MTR: variants seen among roughly 807,000 people sequenced by gnomAD.
MTR encodes the protein methionine synthase.
Under a neutral mutation model 154.8 loss-of-function variants are expected in MTR, and 84 were observed. That is an observed-to-expected ratio of 0.54 (90% confidence interval 0.45 to 0.65). The LOEUF (loss-of-function observed/expected upper bound fraction) is 0.65. Ranked by LOEUF, MTR falls within the 30% of genes least tolerant of loss-of-function variation. The pLI is 0.00. For synonymous variants in MTR, 554 were observed against 553.9 expected (o/e 1.00, Z 0.00); for missense variants, 1,275 against 1,570.2 (o/e 0.81, Z 3.18).
chr1:236,861,294 G>A lies in MTR; in HGVS notation c.2196+17G>A, dbSNP rs955091678. The A allele has an allele frequency of 5.0e-6, 8 of 1,613,566 alleles. No homozygotes were observed. Among genetic ancestry groups the A allele is most frequent in the African/African-American group, 1.3e-5 (1 of 74,862 alleles). On this transcript the variant is annotated intron_variant, in intron 20 of 32. Transcript: ENST00000366577. ...CTACCTCAGGTTAGCAAAATATGGG[G>A]AGAAATTTTCACAGTTGCATCTTTT...
intron 18 of MTR, among the ~76,000 whole-genome samples, chr1:236,858,848 G>A (rs1032102618): frequency 6.6e-6 from 1 of 152,208 alleles, no homozygotes; most frequent in African/African-American, 2.4e-5. Context: ...GGTGTGCCAT[G>A]ATCATTGCGC....
chr1:236,820,587 T>TAAAAA, intron 8 of MTR: 1 of 410,572 alleles, frequency 2.4e-6, no homozygotes. Flanking sequence ...GTCAGTTTCT[T>TAAAAA]AAAAAAAAAA....
At chr1:236,854,747 G>GT (rs1664106697) in intron 18 of MTR, among the ~76,000 whole-genome samples, 4 of 152,112 alleles carry the variant, frequency 2.6e-5, no homozygotes, top group South Asian at 2.1e-4. Flanking sequence ...CCCATTTAAG[G>GT]TTTTTTTGGC....
intron 22 of MTR, among the ~76,000 whole-genome samples, chr1:236,871,334 C>G (rs1394712286): frequency 6.6e-6 from 1 of 152,062 alleles, no homozygotes; most frequent in Admixed American, 6.6e-5. Flanking sequence ...ACCCACAACT[C>G]TATCCTTCTC....
At chr1:236,800,386 T>G in intron 1 of MTR, 2 of 985,434 alleles carry the variant, frequency 2.0e-6, no homozygotes, top group Non-Finnish European at 2.4e-6. Flanking sequence ...AGGCTTATGA[T>G]TCAGTCACCC....
chr1:236,830,803 A>C (rs1662566668), intron 12 of MTR, among the ~76,000 whole-genome samples: 1 of 152,182 alleles, frequency 6.6e-6, no homozygotes, highest in South Asian at 2.1e-4. Context: ...GAGAAATCAT[A>C]AGCCAGTACC....
chr1:236,878,111 A>ATT (rs35639320), intron 24 of MTR, among the ~76,000 whole-genome samples: 1 of 151,874 alleles, frequency 6.6e-6, no homozygotes, highest in African/African-American at 2.4e-5. Context: ...TTGCAAATAG[A>ATT]TTTTTTTTCA....
chr1:236,849,515 A>G (rs1663777471), intron 15 of MTR, among the ~76,000 whole-genome samples: 1 of 152,194 alleles, frequency 6.6e-6, no homozygotes, highest in Non-Finnish European at 1.5e-5. Context: ...GCACAAAGCC[A>G]TGTCATGGTA....
In MTR at chr1:236,901,025, G is replaced by C. The variant is rs997481708; in HGVS notation, c.*3381G>C. 1 of 152,938 alleles carries C rather than the reference G, an allele frequency of 6.5e-6. No individual in the cohort carries two copies. Among genetic ancestry groups the C allele is most frequent in the East Asian group, 1.9e-4 (1 of 5,190 alleles). 9.5% of individuals were successfully genotyped at this position (152,938 alleles called of 1,614,324 possible). On this transcript the variant is annotated 3_prime_UTR_variant, in exon 33 of 33. Coordinates refer to ENST00000366577, the MANE Select transcript of MTR (RefSeq NM_000254.3). ...TGGAGGTCAGGCTGCAGTGCGATGGGATCATCTATGGAGCATATGAGGAGA... is the reference window on the plus strand; with the variant it reads ...TGGAGGTCAGGCTGCAGTGCGATGGCATCATCTATGGAGCATATGAGGAGA...
At chr1:236,887,483 A>G (rs912628441) in intron 27 of MTR, among the ~76,000 whole-genome samples, 6 of 152,262 alleles carry the variant, frequency 3.9e-5, no homozygotes, top group Non-Finnish European at 7.3e-5. Flanking sequence ...AAATTGCTGT[A>G]TAGTTCAAGC....
At chr1:236,843,954 C>CT in intron 15 of MTR, among the ~76,000 whole-genome samples, 1 of 152,072 alleles carries the variant, frequency 6.6e-6, no homozygotes, top group Non-Finnish European at 1.5e-5. Flanking sequence ...GATAGGATTC[C>CT]TTTTTTTGGG....
At position 236,863,377 on chromosome 1, in the gene MTR, C is replaced by T. The variant is rs1470407181; in HGVS notation, c.2305-77C>T. The T allele has an allele frequency of 2.7e-6, 3 of 1,127,802 alleles. No homozygotes were observed. In the East Asian group the frequency reaches 7.3e-5, roughly 27 times the overall value. The allele number at this position is 1,127,802 out of a possible 1,614,324, so 69.9% of individuals were successfully genotyped here. ...GTATTGAATTGCTTTCTGTGCTGGCCCCTGCCTGGCTCTGGAGAACTAGGT... is the reference window on the plus strand; with the variant it reads ...GTATTGAATTGCTTTCTGTGCTGGCTCCTGCCTGGCTCTGGAGAACTAGGT... On this transcript the variant is annotated intron_variant, in intron 21 of 32. Transcript: ENST00000366577.
Position 236,812,741 on chromosome 1 carries a change from T to C in MTR, c.506T>C (p.Phe169Ser), listed in dbSNP as rs1204404590. 1 of 1,613,914 alleles carries C rather than the reference T, an allele frequency of 6.2e-7. No individual in the cohort carries two copies. The highest frequency in any genetic ancestry group is 1.7e-5 in the Admixed American group (1 of 60,012). ...GGGTGTGATTTATTTTTTGCAGCAT[T>C]TGATGAGCTTGTTGAAGCATACCAA... ...VERPDYRNIT[F>S]DELVEAYQEQ... The change falls in exon 6 of 33, where the codon TTT (phenylalanine) becomes TCT (serine). Residue 169 changes from phenylalanine (F) to serine (S), a missense_variant. By Grantham distance (155) the Phe-to-Ser change is radical. Coordinates refer to ENST00000366577, the MANE Select transcript of MTR (RefSeq NM_000254.3).
At chr1:236,867,824 G>A (rs1664902666) in intron 22 of MTR, among the ~76,000 whole-genome samples, 1 of 152,214 alleles carries the variant, frequency 6.6e-6, no homozygotes, top group Non-Finnish European at 1.5e-5. Context: ...AGTGGAGCCT[G>A]AAGATGGGAA....
chr1:236,859,771 G>A (rs922064385), intron 18 of MTR, 62 bp from the exon 19 acceptor site: 4 of 1,285,896 alleles, frequency 3.1e-6, no homozygotes, highest in African/African-American at 2.9e-5. Flanking sequence ...TGTTTGTTTT[G>A]CCATCAAACA....
intron 25 of MTR, among the ~76,000 whole-genome samples, chr1:236,882,119 C>CTATATT (rs1665769590): frequency 6.6e-6 from 1 of 152,094 alleles, no homozygotes; most frequent in Non-Finnish European, 1.5e-5. Context: ...TGCAAATAAG[C>CTATATT]TATATTTCTA....
At chr1:236,841,094 G>C (rs980290432) in intron 15 of MTR, among the ~76,000 whole-genome samples, 3 of 152,110 alleles carry the variant, frequency 2.0e-5, no homozygotes, top group African/African-American at 4.8e-5. Context: ...CCCACGTTCA[G>C]CTTTTTAAGC....
intron 8 of MTR, chr1:236,820,277 A>G: frequency 6.6e-6 from 5 of 753,748 alleles, no homozygotes; most frequent in Non-Finnish European, 1.2e-5. Context: ...AAAGAAGAGC[A>G]GGCTGCTACT....
At chr1:236,809,500 A>G (rs1292244383) in intron 4 of MTR, among the ~76,000 whole-genome samples, 1 of 152,252 alleles carries the variant, frequency 6.6e-6, no homozygotes, top group Non-Finnish European at 1.5e-5. Context: ...ACAGCATACT[A>G]ATGAAGACCA....
Sources: allele counts gnomAD v4.1 joint callset (sites outside exome capture counted in the v4.1 genomes callset), GRCh38; gene constraint gnomAD v4.1.1; transcripts MANE v1.5; gene names NCBI Gene and HGNC (gene_info 2026-07-23, HGNC 2026-07-21).